CADM2: variants seen among roughly 807,000 people sequenced by gnomAD.
CADM2 encodes immunoglobulin superfamily member 4D.
CADM2 carries 12 observed loss-of-function variants against 49.8 expected under a neutral mutation model. The ratio of observed to expected loss-of-function variants is 0.24; its 90% confidence interval spans 0.15 to 0.39. CADM2 has a LOEUF of 0.39. Ranked by LOEUF, CADM2 falls within the 10% of genes least tolerant of loss-of-function variation. CADM2 has a pLI of 1.00. For missense variants in CADM2, 378 were observed against 492.3 expected, an observed-to-expected ratio of 0.77 and a Z score of 2.20; for synonymous variants, 214 against 175.4, an observed-to-expected ratio of 1.22 and a Z score of -1.74.
intron 1 of CADM2, among the ~76,000 whole-genome samples, chr3:84,989,349 A>T (rs1051358317): frequency 2.0e-5 from 3 of 152,310 alleles, no homozygotes; most frequent in East Asian, 1.9e-4. Flanking sequence ...CACCAGATTT[A>T]TCAGGTTAAC....
intron 1 of CADM2, among the ~76,000 whole-genome samples, chr3:85,356,730 A>G (rs1279122215): frequency 6.6e-6 from 1 of 152,098 alleles, no homozygotes; most frequent in Non-Finnish European, 1.5e-5. Flanking sequence ...TTCATTTTCC[A>G]TTTACATTTG....
intron 1 of CADM2, among the ~76,000 whole-genome samples, chr3:85,597,148 G>T (rs1476452750): frequency 6.6e-6 from 1 of 151,958 alleles, no homozygotes; most frequent in Non-Finnish European, 1.5e-5. Context: ...TATGGAGAGG[G>T]GAGAAAAGAA....
intron 1 of CADM2, among the ~76,000 whole-genome samples, chr3:85,414,592 TC>T (rs1265276763): frequency 5.9e-5 from 9 of 152,262 alleles, no homozygotes; most frequent in African/African-American, 2.2e-4. Context: ...TGATTAGTGT[TC>T]AATCCCCCAG....
At chr3:85,465,406 A>C (rs1259461543) in intron 1 of CADM2, among the ~76,000 whole-genome samples, 1 of 152,198 alleles carries the variant, frequency 6.6e-6, no homozygotes, top group Admixed American at 6.5e-5. Flanking sequence ...TGAACAAAAT[A>C]ATAACTAATG....
At chr3:85,677,221 T>G (rs1466340813) in intron 1 of CADM2, among the ~76,000 whole-genome samples, 1 of 144,178 alleles carries the variant, frequency 6.9e-6, no homozygotes, top group Non-Finnish European at 1.5e-5. Context: ...GATTTTAGGA[T>G]TAATTGTCAT....
intron 1 of CADM2, among the ~76,000 whole-genome samples, chr3:85,346,451 T>A (rs752914249): frequency 1.3e-5 from 2 of 152,160 alleles, no homozygotes; most frequent in Admixed American, 6.5e-5. Context: ...AAAAAATCTT[T>A]AATAGCACAT....
intron 7 of CADM2, among the ~76,000 whole-genome samples, chr3:85,956,591 C>T (rs185710402): frequency 6.0e-4 from 91 of 150,788 alleles, no homozygotes; most frequent in African/African-American, 2.2e-3. Context: ...TCAGCAAAGA[C>T]TTACACAACT....
intron 1 of CADM2, among the ~76,000 whole-genome samples, chr3:85,305,564 C>T (rs577333643): frequency 7.3e-5 from 11 of 151,600 alleles, no homozygotes; most frequent in African/African-American, 2.2e-4. Flanking sequence ...GCCAATTGAA[C>T]GATTAAATCT....
chr3:85,426,511 A>C (rs1374307180), intron 1 of CADM2, among the ~76,000 whole-genome samples: 1 of 152,108 alleles, frequency 6.6e-6, no homozygotes, highest in Non-Finnish European at 1.5e-5. Flanking sequence ...GGTACACCGT[A>C]GGTGTATATA....
chr3:85,751,021 G>T (rs1187151017), intron 2 of CADM2, among the ~76,000 whole-genome samples: 1 of 151,982 alleles, frequency 6.6e-6, no homozygotes, highest in Non-Finnish European at 1.5e-5. Context: ...AAGCATAAAA[G>T]AACATTTTGA....
intron 1 of CADM2, among the ~76,000 whole-genome samples, chr3:85,468,945 G>T (rs1363027704): frequency 2.0e-5 from 3 of 152,200 alleles, no homozygotes; most frequent in Non-Finnish European, 4.4e-5. Context: ...TGGTGGATAT[G>T]TATTTACCTC....
chr3:85,325,477 C>A (rs569330564), intron 1 of CADM2, among the ~76,000 whole-genome samples: 2 of 151,982 alleles, frequency 1.3e-5, no homozygotes, highest in East Asian at 3.9e-4. Flanking sequence ...TTTGGGAGGC[C>A]GAGGCAGGCG....
intron 1 of CADM2, among the ~76,000 whole-genome samples, chr3:85,529,735 A>G (rs2061253395): frequency 6.6e-6 from 1 of 151,894 alleles, no homozygotes; most frequent in Non-Finnish European, 1.5e-5. Flanking sequence ...AGCATTTGGA[A>G]CGTATTTCCA....
At chr3:85,097,939 T>G (rs544944310) in intron 1 of CADM2, among the ~76,000 whole-genome samples, 18 of 152,264 alleles carry the variant, frequency 1.2e-4, no homozygotes, top group Admixed American at 1.0e-3. Context: ...TCCAATTTAG[T>G]GGAATATAAA....
chr3:85,274,714 G>T (rs2043317381), intron 1 of CADM2, among the ~76,000 whole-genome samples: 1 of 151,594 alleles, frequency 6.6e-6, no homozygotes, highest in Non-Finnish European at 1.5e-5. Flanking sequence ...TAGCTAGTAG[G>T]ACAACAGTAG....
chr3:85,904,525 A>G (rs1259945190), intron 5 of CADM2, among the ~76,000 whole-genome samples: 5 of 152,324 alleles, frequency 3.3e-5, no homozygotes, highest in African/African-American at 7.2e-5. Flanking sequence ...TTCAAATACC[A>G]TAGACTCTAT....
chr3:85,769,958 T>C (rs1004717773), intron 2 of CADM2, among the ~76,000 whole-genome samples: 1 of 151,920 alleles, frequency 6.6e-6, no homozygotes. Flanking sequence ...AAATGCAATG[T>C]ACTTGCATGT....
intron 1 of CADM2, among the ~76,000 whole-genome samples, chr3:85,455,854 T>A (rs1014921702): frequency 2.0e-5 from 3 of 152,218 alleles, no homozygotes; most frequent in African/African-American, 7.2e-5. Flanking sequence ...TTCGTGTGTG[T>A]GTGTATTTAA....
At chr3:85,920,630 T>G (rs1443894825) in intron 6 of CADM2, among the ~76,000 whole-genome samples, 1 of 151,782 alleles carries the variant, frequency 6.6e-6, no homozygotes, top group Non-Finnish European at 1.5e-5. Flanking sequence ...TGGCACATTT[T>G]GCTCATGAGA....
Sources: allele counts gnomAD v4.1 joint callset (sites outside exome capture counted in the v4.1 genomes callset), GRCh38; gene constraint gnomAD v4.1.1; transcripts MANE v1.5; gene names NCBI Gene and HGNC (gene_info 2026-07-23, HGNC 2026-07-21).